Variants in CSMD3 observed in about 807,000 individuals in gnomAD.
The protein encoded by CSMD3 is CUB and Sushi multiple domains 3, also known as CUB and sushi domain-containing protein 3.
Under a neutral mutation model 435.2 loss-of-function variants are expected in CSMD3, and 177 were observed. The observed-to-expected ratio is 0.41, with a 90% CI of 0.36 to 0.46. The LOEUF is 0.46. CSMD3 is among the 20% of genes least tolerant of loss of function. CSMD3 has a pLI of 0.34. For missense variants in CSMD3, 4,265 were observed against 4,504.6 expected (o/e 0.95, Z 1.52); for synonymous variants, 1,656 against 1,520.5 (o/e 1.09, Z -2.07).
chr8:112,248,182 T>C (rs1198270922), intron 63 of CSMD3, among the ~76,000 whole-genome samples: 1 of 152,232 alleles, frequency 6.6e-6, no homozygotes, highest in East Asian at 1.9e-4. Flanking sequence ...ATTATTTGTA[T>C]TGAAATCTGT....
At chr8:113,140,130 C>T (rs1190532258) in intron 4 of CSMD3, among the ~76,000 whole-genome samples, 1 of 150,468 alleles carries the variant, frequency 6.6e-6, no homozygotes, top group Non-Finnish European at 1.5e-5. Flanking sequence ...GATTTGACAG[C>T]CAAGAAAATT....
chr8:112,899,787 C>T (rs1488163846), intron 10 of CSMD3, among the ~76,000 whole-genome samples: 1 of 147,094 alleles, frequency 6.8e-6, no homozygotes, highest in Admixed American at 6.9e-5. Context: ...CTCAAGTGCA[C>T]AATGTACGAA....
chr8:112,295,735 T>C, intron 54 of CSMD3, 98 bp downstream of exon 54: 1 of 1,016,742 alleles, frequency 9.8e-7, no homozygotes, highest in Non-Finnish European at 1.5e-6. Context: ...TATATTGATA[T>C]ATATAACAAC....
chr8:112,448,456 C>A (rs1815876718), intron 32 of CSMD3, among the ~76,000 whole-genome samples: 3 of 152,022 alleles, frequency 2.0e-5, no homozygotes, highest in Non-Finnish European at 2.9e-5. Flanking sequence ...TACACACATA[C>A]AACAGAGGAA....
intron 4 of CSMD3, among the ~76,000 whole-genome samples, chr8:113,144,552 A>T (rs1210743063): frequency 1.3e-5 from 2 of 151,554 alleles, no homozygotes; most frequent in African/African-American, 4.8e-5. Context: ...AGATGCTTAG[A>T]TCTGCCGTTA....
chr8:112,441,987 A>G (rs1229581128), intron 32 of CSMD3, among the ~76,000 whole-genome samples: 1 of 152,216 alleles, frequency 6.6e-6, no homozygotes, highest in Non-Finnish European at 1.5e-5. Context: ...TTCCATTTGC[A>G]TTGCTATAAA....
At chr8:112,876,978 A>G (rs751824174) in intron 10 of CSMD3, among the ~76,000 whole-genome samples, 94 of 152,188 alleles carry the variant, frequency 6.2e-4, no homozygotes, top group Non-Finnish European at 1.2e-3. Context: ...ACAAACAGAG[A>G]GCCAAATCAT....
intron 38 of CSMD3, among the ~76,000 whole-genome samples, chr8:112,366,787 C>CTT (rs1426002171): frequency 6.6e-6 from 1 of 152,082 alleles, no homozygotes; most frequent in African/African-American, 2.4e-5. Flanking sequence ...ACTCATTTTT[C>CTT]TTAAGTTAAT....
At chr8:112,594,032 G>A (rs1831435935) in intron 22 of CSMD3, among the ~76,000 whole-genome samples, 1 of 152,170 alleles carries the variant, frequency 6.6e-6, no homozygotes. Context: ...GGCCGAATAG[G>A]AACAGCTCCG....
At chr8:112,563,104 C>T (rs897903601) in intron 24 of CSMD3, among the ~76,000 whole-genome samples, 1 of 151,444 alleles carries the variant, frequency 6.6e-6, no homozygotes, top group Non-Finnish European at 1.5e-5. Flanking sequence ...CAATAATCCT[C>T]TGTGATTGAG....
In CSMD3 at chr8:113,255,567, A is replaced by G. The variant is rs149534136; in HGVS notation, c.514+23025T>C. On this transcript the variant is annotated intron_variant, in intron 3 of 70. Transcript: ENST00000297405. ...AACTCTGAGTTGTACTACCCTGATC[A>G]CCAACTAAAACAATTATCCTCACTG... is the stretch of plus-strand genomic sequence containing the variant. 2.6e-3 allele frequency among the ~76,000 whole-genome samples: 396 copies of G among 152,158 alleles called. 2 individuals are homozygous for G. The highest frequency in any genetic ancestry group is 9.0e-3 in the African/African-American group (373 of 41,552).
At chr8:112,662,859 A>G (rs890518006) in intron 17 of CSMD3, among the ~76,000 whole-genome samples, 1 of 152,144 alleles carries the variant, frequency 6.6e-6, no homozygotes, top group Non-Finnish European at 1.5e-5. Flanking sequence ...ACAAAGTGGG[A>G]AAAGGATATG....
At chr8:112,676,381 G>A (rs1486336891) in intron 16 of CSMD3, among the ~76,000 whole-genome samples, 1 of 151,988 alleles carries the variant, frequency 6.6e-6, no homozygotes, top group Non-Finnish European at 1.5e-5. Context: ...GAGAAACCAG[G>A]AAAGGAGACT....
At chr8:113,408,655 GTT>G (rs143287470) in intron 1 of CSMD3, among the ~76,000 whole-genome samples, 9 of 140,484 alleles carry the variant, frequency 6.4e-5, no homozygotes, top group Admixed American at 1.4e-4. Context: ...GTGACAAGGA[GTT>G]TTTTTTTTTT....
chr8:112,722,011 T>C (rs1031609088), intron 13 of CSMD3, among the ~76,000 whole-genome samples: 1 of 152,052 alleles, frequency 6.6e-6, no homozygotes, highest in African/African-American at 2.4e-5. Context: ...TCAAAATGTA[T>C]ACAATTTGGG....
chr8:112,396,268 T>C (rs925889192), intron 35 of CSMD3, among the ~76,000 whole-genome samples: 2 of 152,298 alleles, frequency 1.3e-5, no homozygotes, highest in South Asian at 4.1e-4. Context: ...GATGCTGACT[T>C]GGCTTAAGTT....
chr8:112,659,475 T>A (rs968191190), intron 17 of CSMD3, among the ~76,000 whole-genome samples: 1 of 152,152 alleles, frequency 6.6e-6, no homozygotes, highest in Non-Finnish European at 1.5e-5. Context: ...CTTGATGTAA[T>A]CCAAACCCTT....
intron 24 of CSMD3, among the ~76,000 whole-genome samples, chr8:112,569,838 C>T (rs1026341135): frequency 6.6e-6 from 1 of 152,142 alleles, no homozygotes; most frequent in African/African-American, 2.4e-5. Context: ...ATACTTCCCA[C>T]AATTATTTTT....
Position 113,303,362 on chromosome 8 carries a change from G to A in CSMD3, c.401+11209C>T, listed in dbSNP as rs200226238. On this transcript the variant is annotated intron_variant, in intron 2 of 70. Coordinates refer to ENST00000297405, the MANE Select transcript of CSMD3 (RefSeq NM_198123.2). ...CAAGGTAATTTACAGATTCAATGCC[G>A]TCCCCATCAAGCTACCAATGACTTT... is the stretch of plus-strand genomic sequence containing the variant. 9.0e-3 allele frequency among the ~76,000 whole-genome samples: 1,352 copies of A among 149,664 alleles called. 9 individuals are homozygous for A. Among genetic ancestry groups the A allele is most frequent in the Non-Finnish European group, 0.012 (796 of 67,298 alleles).
Sources: gnomAD v4.1 joint callset for allele counts (sites outside exome capture counted in the v4.1 genomes callset) on GRCh38, gnomAD v4.1.1 for gene constraint, MANE v1.5 for transcripts, NCBI Gene and HGNC (gene_info 2026-07-23, HGNC 2026-07-21) for gene names.